ADAM22: variants seen among roughly 807,000 people sequenced by gnomAD.
ADAM22 encodes the protein ADAM metallopeptidase domain 22, also known as disintegrin and metalloproteinase domain-containing protein 22.
ADAM22 carries 65 observed loss-of-function variants against 144.6 expected under a neutral mutation model. The observed-to-expected ratio is 0.45, with a 90% CI of 0.37 to 0.55. The LOEUF is 0.55. Among genes scored for constraint, ADAM22 ranks in the 20% least tolerant of loss-of-function variants. ADAM22 has a pLI of 0.00. For synonymous variants in ADAM22, 391 were observed against 412.6 expected (o/e 0.95, Z 0.63); for missense variants, 974 against 1,184.9 (o/e 0.82, Z 2.61).
At chr7:88,012,528 C>G (rs1795670235) in intron 3 of ADAM22, among the ~76,000 whole-genome samples, 1 of 152,172 alleles carries the variant, frequency 6.6e-6, no homozygotes, top group African/African-American at 2.4e-5. Context: ...GCTGTAGGTG[C>G]CAGAAGTTTC....
At chr7:87,978,291 G>C in intron 2 of ADAM22, 45 bp from the exon 3 acceptor site, 3 of 1,432,320 alleles carry the variant, frequency 2.1e-6, no homozygotes, top group East Asian at 4.6e-5. Flanking sequence ...TGTCTGATTA[G>C]TATGGCTGAG....
At chr7:88,049,068 C>G (rs916697883) in intron 3 of ADAM22, among the ~76,000 whole-genome samples, 2 of 152,210 alleles carry the variant, frequency 1.3e-5, no homozygotes, top group Admixed American at 1.3e-4. Flanking sequence ...ATTTAACCCA[C>G]TTAGAATTTA....
chr7:88,042,402 A>G (rs1046614569), intron 3 of ADAM22, among the ~76,000 whole-genome samples: 1 of 144,652 alleles, frequency 6.9e-6, no homozygotes, highest in Admixed American at 7.2e-5. Context: ...CTGGTATGAA[A>G]CTAAATACTG....
intron 3 of ADAM22, among the ~76,000 whole-genome samples, chr7:88,049,862 T>TGTG (rs138425823): frequency 6.6e-6 from 1 of 151,462 alleles, no homozygotes; most frequent in African/African-American, 2.4e-5. Context: ...ATTGATGAAA[T>TGTG]ATATTATTTT....
intron 2 of ADAM22, among the ~76,000 whole-genome samples, chr7:87,955,576 G>T (rs965730150): frequency 2.0e-5 from 3 of 152,300 alleles, no homozygotes; most frequent in East Asian, 1.9e-4. Flanking sequence ...GGCTGCTCAG[G>T]GGTCAGGAGT....
At position 88,066,653 on chromosome 7, in the gene ADAM22, A is replaced by C. The variant is rs79841745; in HGVS notation, c.324-8973A>C. Among the ~76,000 whole-genome samples, 3 of 152,268 alleles carry C rather than the reference A, an allele frequency of 2.0e-5. No individual in the cohort carries two copies. In the East Asian group the frequency reaches 5.8e-4, roughly 29 times the overall value. Reference sequence around the variant, plus strand: ...TGAAATCACCGAGGAAGAGAGTGTCAAAAGAAAAGAGGAGGATCAAGTACT... The same window carrying C: ...TGAAATCACCGAGGAAGAGAGTGTCCAAAGAAAAGAGGAGGATCAAGTACT... On this transcript the variant is annotated intron_variant, in intron 3 of 31. Coordinates refer to ENST00000413139, the MANE Select transcript of ADAM22 (RefSeq NM_001324418.2).
intron 3 of ADAM22, among the ~76,000 whole-genome samples, chr7:88,068,839 A>G (rs144229030): frequency 6.6e-6 from 1 of 152,184 alleles, no homozygotes; most frequent in Non-Finnish European, 1.5e-5. Context: ...TCCTGACAGC[A>G]TGGTGGCTGG....
intron 29 of ADAM22, chr7:88,184,192 T>C (rs1335264783): frequency 5.0e-6 from 1 of 201,532 alleles, no homozygotes; most frequent in Non-Finnish European, 1.1e-5. Flanking sequence ...ATATATTGTA[T>C]TGTTTTTCCA....
chr7:87,995,756 C>G (rs1791034424), intron 3 of ADAM22, among the ~76,000 whole-genome samples: 1 of 152,210 alleles, frequency 6.6e-6, no homozygotes, highest in Admixed American at 6.5e-5. Context: ...TTTTTTCTCA[C>G]TATCTTGATG....
At chr7:87,967,828 A>AAAAAAG (rs1849500468) in intron 2 of ADAM22, among the ~76,000 whole-genome samples, 1 of 151,004 alleles carries the variant, frequency 6.6e-6, no homozygotes, top group Non-Finnish European at 1.5e-5. Context: ...AAAAAAAAAA[A>AAAAAAG]AAGTATATTG....
At chr7:88,000,332 GA>G (rs1367458979) in intron 3 of ADAM22, among the ~76,000 whole-genome samples, 1 of 152,126 alleles carries the variant, frequency 6.6e-6, no homozygotes, top group African/African-American at 2.4e-5. Flanking sequence ...TCACAGTATA[GA>G]AGCTAAGTAT....
intron 3 of ADAM22, among the ~76,000 whole-genome samples, chr7:87,995,448 C>T (rs1333490379): frequency 1.3e-5 from 2 of 152,164 alleles, no homozygotes; most frequent in Non-Finnish European, 2.9e-5. Flanking sequence ...GGTTTCAATC[C>T]TGGCTACACA....
At chr7:88,115,217 AAAAC>A (rs913696329) in intron 6 of ADAM22, among the ~76,000 whole-genome samples, 8 of 152,338 alleles carry the variant, frequency 5.3e-5, no homozygotes, top group East Asian at 3.9e-4. Context: ...CTCCGTCTCC[AAAAC>A]AAACAAACAA....
Position 87,934,320 on chromosome 7 carries a change from T to TGCAGCGCCACGGCCGCC in ADAM22, c.-140_-124dup, listed in dbSNP as rs1840641605. ...TGCAGCACTGAGCCGCGGTGGAGGT[T>TGCAGCGCCACGGCCGCC]GCAGCGCCACGGCCGCCGCAGCACC... On this transcript the variant is annotated 5_prime_UTR_variant, in exon 1 of 32. Coordinates refer to ENST00000413139, the MANE Select transcript of ADAM22 (RefSeq NM_001324418.2). 3.0e-6 allele frequency: 2 copies of TGCAGCGCCACGGCCGCC among 657,190 alleles called. No individual in the cohort carries two copies. Among genetic ancestry groups the TGCAGCGCCACGGCCGCC allele is most frequent in the South Asian group, 2.1e-5 (1 of 48,490 alleles). 40.7% of individuals were successfully genotyped at this position (657,190 alleles called of 1,614,324 possible).
rs370598568 is a variant in ADAM22 at position 87,943,327 on chromosome 7, A to G, written c.246+8141A>G. Among the ~76,000 whole-genome samples the G allele has an allele frequency of 2.0e-5, 3 of 151,826 alleles. No homozygotes were observed. In the South Asian group the frequency reaches 6.2e-4, roughly 31 times the overall value. ...TAAGGTTATACAGGTAATAAGTGGT[A>G]GAAGTGGGAATAGGATTCTCAAAAT... On this transcript the variant is annotated intron_variant, in intron 2 of 31. Coordinates refer to ENST00000413139, the MANE Select transcript of ADAM22 (RefSeq NM_001324418.2).
chr7:88,083,359 G>T (rs960176180), intron 4 of ADAM22, among the ~76,000 whole-genome samples: 1 of 151,846 alleles, frequency 6.6e-6, no homozygotes. Flanking sequence ...ACTGGGGGAG[G>T]GATAGCATTA....
chr7:87,995,791 G>A (rs1399002478), intron 3 of ADAM22, among the ~76,000 whole-genome samples: 1 of 152,104 alleles, frequency 6.6e-6, no homozygotes, highest in Non-Finnish European at 1.5e-5. Context: ...ACCCTGCACC[G>A]ATATGTCACT....
intron 3 of ADAM22, among the ~76,000 whole-genome samples, chr7:88,016,477 G>A (rs1035140762): frequency 6.6e-6 from 1 of 152,134 alleles, no homozygotes; most frequent in Non-Finnish European, 1.5e-5. Context: ...TGAAAATTAT[G>A]TTATTTTTGA....
chr7:88,136,796 C>T (rs1833090712), intron 14 of ADAM22, among the ~76,000 whole-genome samples: 1 of 151,862 alleles, frequency 6.6e-6, no homozygotes, highest in Admixed American at 6.6e-5. Flanking sequence ...CAAATACCAC[C>T]TGTTCCCCCA....
Sources: gnomAD v4.1 joint callset for allele counts (sites outside exome capture counted in the v4.1 genomes callset) on GRCh38, gnomAD v4.1.1 for gene constraint, MANE v1.5 for transcripts, NCBI Gene and HGNC (gene_info 2026-07-23, HGNC 2026-07-21) for gene names.